The following SRGAP3 variants were observed in gnomAD, a reference collection of about 807,000 sequenced individuals.
The protein encoded by SRGAP3 is SLIT-ROBO Rho GTPase-activating protein 3.
A neutral mutation model predicts 121.1 loss-of-function variants in SRGAP3; 39 were observed. The observed-to-expected ratio is 0.32, with a 90% CI of 0.25 to 0.42. The LOEUF (loss-of-function observed/expected upper bound fraction) is 0.42. Ranked by LOEUF, SRGAP3 falls within the 10% of genes least tolerant of loss-of-function variation. The pLI is 1.00. For synonymous variants in SRGAP3, 601 were observed against 570.0 expected, an observed-to-expected ratio of 1.05 and a Z score of -0.77; for missense variants, 1,213 against 1,470.6, an observed-to-expected ratio of 0.82 and a Z score of 2.86.
chr3:9,026,554 G>T (rs1944211229), intron 13 of SRGAP3, among the ~76,000 whole-genome samples: 1 of 152,190 alleles, frequency 6.6e-6, no homozygotes, highest in African/African-American at 2.4e-5. Context: ...CCATTCAAAA[G>T]TAATAGCAAA....
At chr3:9,305,801 G>A (rs1028719526) in intron 3 of SRGAP3, among the ~76,000 whole-genome samples, 3 of 152,106 alleles carry the variant, frequency 2.0e-5, no homozygotes, top group Non-Finnish European at 2.9e-5. Context: ...CCTTAATCCA[G>A]TCTATCATTG....
At chr3:9,072,710 G>A (rs754401180) in intron 4 of SRGAP3, among the ~76,000 whole-genome samples, 9 of 152,252 alleles carry the variant, frequency 5.9e-5, no homozygotes, top group Non-Finnish European at 1.2e-4. Flanking sequence ...CCGAGTGTCA[G>A]AGCCCCACTA....
intron 3 of SRGAP3, among the ~76,000 whole-genome samples, chr3:9,290,616 C>A (rs1574976168): frequency 1.3e-5 from 2 of 152,310 alleles, no homozygotes; most frequent in East Asian, 3.9e-4. Context: ...CCAAGCTCTA[C>A]CCTCTTCAGA....
chr3:9,159,386 C>T (rs1321690641), intron 1 of SRGAP3, among the ~76,000 whole-genome samples: 2 of 152,230 alleles, frequency 1.3e-5, no homozygotes, highest in East Asian at 3.8e-4. Context: ...GGCCTCACCA[C>T]CCACCTCCTT....
At chr3:9,004,570 A>T (rs1467024586) in intron 18 of SRGAP3, among the ~76,000 whole-genome samples, 1 of 152,234 alleles carries the variant, frequency 6.6e-6, no homozygotes. Context: ...ACAGAGATAG[A>T]CATATTGGTC....
At position 9,305,834 on chromosome 3, in the gene SRGAP3, A is replaced by C. The variant is rs531327797; in HGVS notation, n.442+20176T>G. Among the ~76,000 whole-genome samples, 321 of 152,260 alleles carry C rather than the reference A, an allele frequency of 2.1e-3. 3 individuals carry two copies. The highest frequency in any genetic ancestry group is 7.1e-3 in the African/African-American group (297 of 41,568). The stretch of plus-strand genomic sequence containing the variant: ...TTGATAGACATTTGGGCTGGTTCCA[A>C]GTCTTTGCTATTGTGAATAGTGCCG... On this transcript the variant is annotated intron_variant and non_coding_transcript_variant, in intron 3 of 3. Coordinates refer to the SRGAP3 transcript ENST00000490889.
chr3:9,248,375 C>T (rs1197796971), intron 1 of SRGAP3, among the ~76,000 whole-genome samples: 1 of 152,154 alleles, frequency 6.6e-6, no homozygotes, highest in Non-Finnish European at 1.5e-5. Context: ...AGAAGTGCCG[C>T]CCAGGGATGC....
At chr3:9,128,464 G>T (rs910245354) in intron 1 of SRGAP3, among the ~76,000 whole-genome samples, 3 of 152,204 alleles carry the variant, frequency 2.0e-5, no homozygotes, top group Non-Finnish European at 2.9e-5. Context: ...AAGTGAAAGG[G>T]AATTAGGAGT....
rs1005015538 is a variant in SRGAP3, at chr3:9,329,081, G to T, written n.283+1447C>A. On this transcript the variant is annotated intron_variant and non_coding_transcript_variant, in intron 2 of 3. Coordinates refer to the SRGAP3 transcript ENST00000490889. ...GGCCATCCTGAGCACGAGTTTATGGGGTCCTAACCCCACGTTTTATCCTAA... is the reference window on the plus strand; with the variant it reads ...GGCCATCCTGAGCACGAGTTTATGGTGTCCTAACCCCACGTTTTATCCTAA... 3.3e-5 allele frequency among the ~76,000 whole-genome samples: 5 copies of T among 152,048 alleles called. No homozygotes were observed. In the South Asian group the frequency reaches 6.2e-4, roughly 19 times the overall value.
chr3:9,172,859 G>A (rs944246621), intron 1 of SRGAP3, among the ~76,000 whole-genome samples: 1 of 152,262 alleles, frequency 6.6e-6, no homozygotes, highest in African/African-American at 2.4e-5. Flanking sequence ...CTGGAAGGAG[G>A]CCCTGGTGCG....
chr3:9,011,667 A>C (rs1223037204), intron 17 of SRGAP3, among the ~76,000 whole-genome samples: 1 of 151,644 alleles, frequency 6.6e-6, no homozygotes, highest in Non-Finnish European at 1.5e-5. Flanking sequence ...CTGTTCCATC[A>C]GAGCTCCTGC....
chr3:9,320,804 A>C (rs1955426934), intron 3 of SRGAP3, among the ~76,000 whole-genome samples: 1 of 151,856 alleles, frequency 6.6e-6, no homozygotes, highest in Non-Finnish European at 1.5e-5. Flanking sequence ...AAGTAAACCA[A>C]TAAATTCCCT....
intron 1 of SRGAP3, among the ~76,000 whole-genome samples, chr3:9,212,312 T>C (rs115679034): frequency 2.2e-4 from 33 of 152,306 alleles, no homozygotes; most frequent in African/African-American, 7.9e-4. Flanking sequence ...GGTCATTGTT[T>C]CCCAACCCCA....
At chr3:9,273,932 T>C (rs926930036) in intron 3 of SRGAP3, among the ~76,000 whole-genome samples, 1 of 152,212 alleles carries the variant, frequency 6.6e-6, no homozygotes, top group African/African-American at 2.4e-5. Flanking sequence ...GGGCTCTCAA[T>C]TGTATTCCAT....
intron 1 of SRGAP3, among the ~76,000 whole-genome samples, chr3:9,225,503 G>T (rs1039648838): frequency 6.6e-6 from 1 of 152,152 alleles, no homozygotes. Context: ...AACAGCTGGG[G>T]GTGTTTACTG....
At chr3:9,110,517 G>A (rs1267206340) in intron 2 of SRGAP3, among the ~76,000 whole-genome samples, 2 of 152,234 alleles carry the variant, frequency 1.3e-5, no homozygotes, top group Admixed American at 1.3e-4. Context: ...GGCTGTGGCC[G>A]GAGGGCTGGG....
intron 4 of SRGAP3, among the ~76,000 whole-genome samples, chr3:9,067,463 CTG>C (rs1030375350): frequency 6.6e-6 from 1 of 151,952 alleles, no homozygotes; most frequent in Admixed American, 6.6e-5. Context: ...ATTTCATCCT[CTG>C]TGTATGCCAG....
At chr3:9,355,124 C>T in intron 1 of SRGAP3, among the ~76,000 whole-genome samples, 1 of 152,212 alleles carries the variant, frequency 6.6e-6, no homozygotes, top group Non-Finnish European at 1.5e-5. Flanking sequence ...TCTAAACCAG[C>T]AAATCTGCTA....
At chr3:9,131,433 C>CTTTTTT (rs869155697) in intron 1 of SRGAP3, among the ~76,000 whole-genome samples, 30 of 90,206 alleles carry the variant, frequency 3.3e-4, no homozygotes, top group African/African-American at 6.1e-4. Context: ...AGATCTAATT[C>CTTTTTT]TTTTTTTTTT....
Sources: gnomAD v4.1 joint callset for allele counts (sites outside exome capture counted in the v4.1 genomes callset) on GRCh38, gnomAD v4.1.1 for gene constraint, MANE v1.5 for transcripts, NCBI Gene and HGNC (gene_info 2026-07-23, HGNC 2026-07-21) for gene names.